The following RBFOX1 variants were observed in gnomAD, a reference collection of about 807,000 sequenced individuals.
The protein encoded by RBFOX1 is RNA binding protein fox-1 homolog 1.
In RBFOX1, 8 loss-of-function variants were observed where a neutral mutation model predicts 57.7. That is an observed-to-expected ratio of 0.14 (90% CI 0.08 to 0.25). The LOEUF is 0.25. RBFOX1 is among the 10% of genes least tolerant of loss of function. The pLI is 1.00. For synonymous variants in RBFOX1, 326 were observed against 222.4 expected, an observed-to-expected ratio of 1.47 and a Z score of -4.15; for missense variants, 611 against 548.5, an observed-to-expected ratio of 1.11 and a Z score of -1.14.
intron 4 of RBFOX1, among the ~76,000 whole-genome samples, chr16:7,185,115 G>C (rs1039528537): frequency 1.3e-5 from 2 of 152,166 alleles, no homozygotes; most frequent in Admixed American, 6.5e-5. Context: ...CCTAACAGTG[G>C]GGTATTATGG....
chr16:6,176,220 C>T (rs897518603), intron 1 of RBFOX1, among the ~76,000 whole-genome samples: 6 of 151,762 alleles, frequency 4.0e-5, no homozygotes, highest in Non-Finnish European at 1.5e-5. Flanking sequence ...TCTTGGCTCA[C>T]TTGCAACCTC....
intron 2 of RBFOX1, among the ~76,000 whole-genome samples, chr16:5,514,107 G>A (rs566227867): frequency 1.3e-5 from 2 of 152,106 alleles, no homozygotes; most frequent in African/African-American, 4.8e-5. Context: ...AATCACGTTA[G>A]GTAATAAACT....
At chr16:6,154,027 C>T (rs1248415635) in intron 1 of RBFOX1, among the ~76,000 whole-genome samples, 2 of 152,162 alleles carry the variant, frequency 1.3e-5, no homozygotes, top group Non-Finnish European at 2.9e-5. Flanking sequence ...GCTGTGGGTT[C>T]AAAATGAGGA....
intron 3 of RBFOX1, among the ~76,000 whole-genome samples, chr16:5,663,167 A>G (rs770698417): frequency 6.6e-6 from 1 of 152,178 alleles, no homozygotes; most frequent in African/African-American, 2.4e-5. Context: ...ACCCGGTTCC[A>G]AATGCCAAGA....
chr16:6,066,817 C>T (rs753857485), intron 1 of RBFOX1, among the ~76,000 whole-genome samples: 2 of 152,104 alleles, frequency 1.3e-5, no homozygotes, highest in Non-Finnish European at 2.9e-5. Flanking sequence ...GCTCATTCTG[C>T]CCTCCACTCA....
chr16:7,342,603 C>T (rs1430408718), intron 4 of RBFOX1, among the ~76,000 whole-genome samples: 2 of 152,170 alleles, frequency 1.3e-5, no homozygotes. Flanking sequence ...CACTTCTCTG[C>T]TCCCATTCTT....
At chr16:6,493,455 G>T (rs570060192) in intron 2 of RBFOX1, among the ~76,000 whole-genome samples, 1 of 152,176 alleles carries the variant, frequency 6.6e-6, no homozygotes, top group East Asian at 1.9e-4. Context: ...TGTTTGTCAG[G>T]GACCGTAGGC....
chr16:7,563,397 A>C (rs2090896811), intron 5 of RBFOX1, among the ~76,000 whole-genome samples: 1 of 152,198 alleles, frequency 6.6e-6, no homozygotes, highest in Non-Finnish European at 1.5e-5. Context: ...TGGAATTCAA[A>C]TCTAGATAAT....
chr16:6,574,831 G>T (rs1426726288), intron 2 of RBFOX1, among the ~76,000 whole-genome samples: 2 of 148,864 alleles, frequency 1.3e-5, no homozygotes, highest in Non-Finnish European at 3.0e-5. Context: ...GAGGTCAGGC[G>T]ATCCAGACCA....
At chr16:5,272,730 C>G (rs534010341) in intron 1 of RBFOX1, among the ~76,000 whole-genome samples, 1 of 152,202 alleles carries the variant, frequency 6.6e-6, no homozygotes, top group Non-Finnish European at 1.5e-5. Flanking sequence ...ATTGACTTCC[C>G]TCCTTTGAGG....
chr16:6,776,430 AAAAC>A (rs139990477), intron 3 of RBFOX1, among the ~76,000 whole-genome samples: 86,665 of 150,926 alleles, frequency 0.57, 25,539 homozygotes, highest in East Asian at 0.68. Flanking sequence ...CAAAAAACAA[AAAAC>A]AAACAAACAA....
At chr16:7,548,583 A>C (rs1390575861) in intron 5 of RBFOX1, among the ~76,000 whole-genome samples, 1 of 152,228 alleles carries the variant, frequency 6.6e-6, no homozygotes, top group Non-Finnish European at 1.5e-5. Flanking sequence ...GCAAGGGGCA[A>C]ATGCACACAC....
chr16:6,872,613 A>G (rs2061133984), intron 3 of RBFOX1, among the ~76,000 whole-genome samples: 1 of 152,204 alleles, frequency 6.6e-6, no homozygotes, highest in African/African-American at 2.4e-5. Context: ...ATTAATGTGC[A>G]ACTACTTTGA....
chr16:6,136,073 G>C (rs892767639), intron 1 of RBFOX1, among the ~76,000 whole-genome samples: 2 of 152,134 alleles, frequency 1.3e-5, no homozygotes, highest in Non-Finnish European at 2.9e-5. Context: ...GGGATTACAG[G>C]CTTGAGCCTC....
At chr16:5,725,701 C>T (rs981471061) in intron 3 of RBFOX1, among the ~76,000 whole-genome samples, 1 of 151,868 alleles carries the variant, frequency 6.6e-6, no homozygotes, top group African/African-American at 2.4e-5. Flanking sequence ...TCACACCTGG[C>T]ATGGGGGAAA....
intron 4 of RBFOX1, among the ~76,000 whole-genome samples, chr16:7,410,904 C>T (rs2098418213): frequency 6.6e-6 from 1 of 150,724 alleles, no homozygotes; most frequent in South Asian, 2.1e-4. Context: ...TAATAAGTTC[C>T]ATCGATCTAC....
At position 7,285,130 on chromosome 16, in the gene RBFOX1, G is replaced by A. The variant is rs1225157560; in HGVS notation, c.28-233017G>A. ...TAGCAACCTGTTCTTATCCTTTATA[G>A]CATTTACCACAATGGGCCTCAGAAA... On this transcript the variant is annotated intron_variant, in intron 4 of 15. Transcript: ENST00000550418. Among the ~76,000 whole-genome samples the A allele has an allele frequency of 1.6e-4, 14 of 90,028 alleles. 1 individual carries two copies. The highest frequency in any genetic ancestry group is 2.2e-4 in the Non-Finnish European group (10 of 46,034). 59.1% of individuals were successfully genotyped at this position (90,028 alleles called of 152,430 possible).
intron 3 of RBFOX1, among the ~76,000 whole-genome samples, chr16:5,620,789 C>A (rs373266296): frequency 6.6e-6 from 1 of 152,144 alleles, no homozygotes; most frequent in East Asian, 1.9e-4. Context: ...AGTGATCCTC[C>A]CACCTCAGCT....
intron 4 of RBFOX1, among the ~76,000 whole-genome samples, chr16:7,076,164 C>G (rs1041950408): frequency 2.0e-5 from 3 of 151,680 alleles, no homozygotes; most frequent in Non-Finnish European, 2.9e-5. Context: ...GCCTCAGCCT[C>G]TCGAGTACCT....
Sources: gnomAD v4.1 joint callset for allele counts (sites outside exome capture counted in the v4.1 genomes callset) on GRCh38, gnomAD v4.1.1 for gene constraint, MANE v1.5 for transcripts, NCBI Gene and HGNC (gene_info 2026-07-23, HGNC 2026-07-21) for gene names.